Variants in PSMD1 observed in about 807,000 individuals in gnomAD.
PSMD1 encodes proteasome 26S subunit, non-ATPase 1, also known as 26S proteasome non-ATPase regulatory subunit 1.
In PSMD1, 18 loss-of-function variants were observed where a neutral mutation model predicts 119.0. The observed-to-expected ratio is 0.15, with a 90% CI of 0.10 to 0.22. The LOEUF (loss-of-function observed/expected upper bound fraction) is 0.22. Ranked by LOEUF, PSMD1 falls within the 10% of genes least tolerant of loss-of-function variation. The pLI, the probability that PSMD1 is intolerant of heterozygous loss-of-function variation, is 1.00. For missense variants in PSMD1, 702 were observed against 1,158.5 expected (o/e 0.61, Z 5.72); for synonymous variants, 374 against 396.6 (o/e 0.94, Z 0.68).
At chr2:231,076,924 T>A (rs539873350) in intron 8 of PSMD1, 110 bp from the exon 9 acceptor site, 5 of 952,216 alleles carry the variant, frequency 5.3e-6, no homozygotes, top group Non-Finnish European at 7.4e-6. Context: ...ATCCTTTCTC[T>A]TAAAATGGAC....
intron 16 of PSMD1, among the ~76,000 whole-genome samples, chr2:231,096,096 C>G (rs555746867): frequency 1.3e-5 from 2 of 152,302 alleles, no homozygotes; most frequent in South Asian, 4.1e-4. Context: ...GGGCTAGCGG[C>G]TCCGTTCTTT....
At chr2:231,108,521 A>G (rs1047585002) in intron 16 of PSMD1, 9 of 1,611,398 alleles carry the variant, frequency 5.6e-6, no homozygotes, top group Admixed American at 3.3e-5. Context: ...GTTCTGCTAT[A>G]CATAACTAAC....
intron 16 of PSMD1, among the ~76,000 whole-genome samples, chr2:231,091,786 T>A (rs1469786404): frequency 6.6e-6 from 1 of 152,106 alleles, no homozygotes; most frequent in East Asian, 1.9e-4. Flanking sequence ...TGTTAAATTA[T>A]CATATAAGGT....
intron 16 of PSMD1, among the ~76,000 whole-genome samples, chr2:231,122,208 A>G (rs1695569091): frequency 6.6e-6 from 1 of 152,148 alleles, no homozygotes; most frequent in Non-Finnish European, 1.5e-5. Context: ...TTGTCCTGCC[A>G]CATAATTTTC....
At chr2:231,078,019 G>C (rs974001483) in intron 9 of PSMD1, among the ~76,000 whole-genome samples, 8 of 152,214 alleles carry the variant, frequency 5.3e-5, no homozygotes, top group African/African-American at 1.9e-4. Flanking sequence ...TATAATCCCA[G>C]CACTCTGGGA....
At chr2:231,132,690 AC>A (rs1695881319) in intron 16 of PSMD1, among the ~76,000 whole-genome samples, 1 of 152,178 alleles carries the variant, frequency 6.6e-6, no homozygotes, top group Non-Finnish European at 1.5e-5. Context: ...AGTGATTGTC[AC>A]CCTGCTAATA....
intron 14 of PSMD1, among the ~76,000 whole-genome samples, chr2:231,084,518 T>C (rs1277706659): frequency 6.6e-6 from 1 of 152,104 alleles, no homozygotes; most frequent in Non-Finnish European, 1.5e-5. Context: ...AATGGTGTTG[T>C]ATATGGTGGG....
chr2:231,168,646 G>A (rs1213380300), intron 23 of PSMD1, among the ~76,000 whole-genome samples: 1 of 152,248 alleles, frequency 6.6e-6, no homozygotes, highest in Admixed American at 6.5e-5. Flanking sequence ...GACAGGGGAA[G>A]GGGAGAATGG....
At chr2:231,102,632 G>A (rs991364675) in intron 16 of PSMD1, among the ~76,000 whole-genome samples, 3 of 152,034 alleles carry the variant, frequency 2.0e-5, no homozygotes, top group African/African-American at 7.2e-5. Flanking sequence ...CATCAGAAAG[G>A]TCTTTACCCC....
At chr2:231,109,047 A>T (rs1695063095) in intron 16 of PSMD1, 2 of 1,614,096 alleles carry the variant, frequency 1.2e-6, no homozygotes, top group Middle Eastern at 1.6e-4. Context: ...CCAATTGTGG[A>T]TGTTCTTCGC....
chr2:231,123,836 G>T (rs563741187), intron 16 of PSMD1: 152 of 1,172,430 alleles, frequency 1.3e-4, no homozygotes, highest in Non-Finnish European at 2.8e-5. Flanking sequence ...CTGCTCATCT[G>T]TTTTTTTAAG....
intron 16 of PSMD1, among the ~76,000 whole-genome samples, chr2:231,089,624 T>G (rs1331169077): frequency 1.3e-5 from 2 of 152,038 alleles, no homozygotes; most frequent in East Asian, 3.9e-4. Flanking sequence ...TGGGAGTTTA[T>G]TAAGTATTAA....
intron 23 of PSMD1, among the ~76,000 whole-genome samples, chr2:231,166,398 C>T (rs1034846742): frequency 1.3e-5 from 2 of 152,128 alleles, no homozygotes; most frequent in East Asian, 1.9e-4. Context: ...TATTATAAAA[C>T]AGAGATTACC....
intron 16 of PSMD1, among the ~76,000 whole-genome samples, chr2:231,127,943 TA>T (rs1695764716): frequency 6.6e-6 from 1 of 152,210 alleles, no homozygotes; most frequent in Non-Finnish European, 1.5e-5. Context: ...AATCCAGTAA[TA>T]ACCAAAAAAA....
At chr2:231,123,961 G>A (rs1695649272) in intron 16 of PSMD1, 1 of 583,212 alleles carries the variant, frequency 1.7e-6, no homozygotes, top group Admixed American at 2.9e-5. Flanking sequence ...TTGTAGGTAA[G>A]ATATCCAAGT....
rs554603656 is a variant in PSMD1, at chr2:231,143,938, G to C, written c.1999-2302G>C. 1.2e-4 allele frequency among the ~76,000 whole-genome samples: 18 copies of C among 152,200 alleles called. No homozygotes were observed. The South Asian group carries it at 3.5e-3, about 30-fold the overall frequency. ...TCTAGTCTATGATTTCATTTGTTTT[G>C]CTATTCTACTAGCTAGTAAAATATT... On this transcript the variant is annotated intron_variant, in intron 17 of 24. Transcript: ENST00000308696.
chr2:231,145,332 A>C (rs945190437), intron 17 of PSMD1, among the ~76,000 whole-genome samples: 8 of 152,200 alleles, frequency 5.3e-5, no homozygotes, highest in Non-Finnish European at 7.3e-5. Context: ...ACAGTATAAA[A>C]GATAAAAAAT....
intron 19 of PSMD1, among the ~76,000 whole-genome samples, chr2:231,157,687 C>T (rs1696542981): frequency 6.6e-6 from 1 of 151,856 alleles, no homozygotes; most frequent in Non-Finnish European, 1.5e-5. Flanking sequence ...CTGCCTCAGT[C>T]CCTCCTGTAG....
chr2:231,149,061 A>G (rs184266701), intron 18 of PSMD1, among the ~76,000 whole-genome samples: 1 of 152,378 alleles, frequency 6.6e-6, no homozygotes, highest in African/African-American at 2.4e-5. Context: ...GTATTTTGTG[A>G]AATTCACAAT....
Sources: allele counts gnomAD v4.1 joint callset (sites outside exome capture counted in the v4.1 genomes callset), GRCh38; gene constraint gnomAD v4.1.1; transcripts MANE v1.5; gene names NCBI Gene and HGNC (gene_info 2026-07-23, HGNC 2026-07-21).